Variants in RELL1 observed in about 807,000 individuals in gnomAD.
The protein encoded by RELL1 is RELT-like protein 1.
Under a neutral mutation model 23.0 loss-of-function variants are expected in RELL1, and 10 were observed. The observed-to-expected ratio is 0.43, with a 90% CI of 0.27 to 0.74. RELL1 has a LOEUF of 0.74. Ranked by LOEUF, RELL1 falls within the 30% of genes least tolerant of loss-of-function variation. The pLI is 0.19. For missense variants in RELL1, 315 were observed against 364.4 expected (o/e 0.86, Z 1.10); for synonymous variants, 146 against 146.8 (o/e 0.99, Z 0.04).
intron 6 of RELL1, among the ~76,000 whole-genome samples, chr4:37,604,770 C>CAT (rs1719108007): frequency 6.9e-6 from 1 of 143,990 alleles, no homozygotes; most frequent in Admixed American, 7.0e-5. Context: ...ACCACACACA[C>CAT]ACACAGACAC....
intron 3 of RELL1, among the ~76,000 whole-genome samples, chr4:37,640,733 G>A (rs3849013): frequency 0.99 from 151,467 of 152,336 alleles, 75,304 homozygotes; most frequent in Middle Eastern, 1. Flanking sequence ...ATGTCCAGAA[G>A]GATGCAACCA....
chr4:37,681,080 A>G (rs1722204284), intron 1 of RELL1, among the ~76,000 whole-genome samples: 1 of 152,188 alleles, frequency 6.6e-6, no homozygotes, highest in South Asian at 2.1e-4. Context: ...TTCCAAAAAT[A>G]CCTAGTGCAC....
intron 6 of RELL1, among the ~76,000 whole-genome samples, chr4:37,599,003 G>A (rs1465077089): frequency 6.6e-6 from 1 of 152,062 alleles, no homozygotes; most frequent in African/African-American, 2.4e-5. Flanking sequence ...TGCTTTTAAA[G>A]GTGACATAAT....
At chr4:37,650,595 C>T (rs949509558) in intron 1 of RELL1, among the ~76,000 whole-genome samples, 1 of 151,980 alleles carries the variant, frequency 6.6e-6, no homozygotes, top group Non-Finnish European at 1.5e-5. Context: ...TTTATGACTT[C>T]AAGAATAGGG....
At chr4:37,628,943 C>T (rs1319910470) in intron 6 of RELL1, among the ~76,000 whole-genome samples, 1 of 151,570 alleles carries the variant, frequency 6.6e-6, no homozygotes, top group Non-Finnish European at 1.5e-5. Flanking sequence ...TAATCAGAAT[C>T]AGACAGATTC....
chr4:37,624,582 C>G (rs986717498), intron 6 of RELL1, among the ~76,000 whole-genome samples: 1 of 151,778 alleles, frequency 6.6e-6, no homozygotes, highest in Non-Finnish European at 1.5e-5. Flanking sequence ...CGCCACCACG[C>G]CCGGCTAATT....
At chr4:37,676,908 A>G (rs1247195842) in intron 1 of RELL1, among the ~76,000 whole-genome samples, 1 of 152,134 alleles carries the variant, frequency 6.6e-6, no homozygotes, top group African/African-American at 2.4e-5. Context: ...TGAGCCTACA[A>G]TGGCGAACAA....
intron 6 of RELL1, among the ~76,000 whole-genome samples, chr4:37,626,175 C>T (rs1210289974): frequency 6.6e-6 from 1 of 152,104 alleles, no homozygotes; most frequent in East Asian, 1.9e-4. Context: ...GTACGCAGGT[C>T]ACTAACAAAA....
intron 1 of RELL1, among the ~76,000 whole-genome samples, chr4:37,670,844 T>C (rs1721810367): frequency 6.6e-6 from 1 of 152,198 alleles, no homozygotes. Context: ...AGTGCTGGGA[T>C]AATAGGCATG....
intron 6 of RELL1, among the ~76,000 whole-genome samples, chr4:37,594,271 C>T (rs1054406543): frequency 6.6e-6 from 1 of 152,188 alleles, no homozygotes; most frequent in Non-Finnish European, 1.5e-5. Flanking sequence ...TGTCTGAGCA[C>T]GCTTATGTGT....
At chr4:37,596,196 G>GAAA (rs1718840443) in intron 6 of RELL1, among the ~76,000 whole-genome samples, 1 of 152,142 alleles carries the variant, frequency 6.6e-6, no homozygotes, top group Non-Finnish European at 1.5e-5. Flanking sequence ...GTTCCTTAAC[G>GAAA]TTTCTGAGCC....
intron 1 of RELL1, among the ~76,000 whole-genome samples, chr4:37,653,703 A>T (rs1721029514): frequency 6.6e-6 from 1 of 152,166 alleles, no homozygotes. Flanking sequence ...CCTGACCCAC[A>T]GAATGTGTTG....
chr4:37,684,071 G>A (rs1435488681), intron 1 of RELL1, among the ~76,000 whole-genome samples: 1 of 152,090 alleles, frequency 6.6e-6, no homozygotes, highest in African/African-American at 2.4e-5. Context: ...GCAAGACTCC[G>A]TCTCAAAAAG....
intron 6 of RELL1, among the ~76,000 whole-genome samples, chr4:37,614,070 T>C (rs1162602570): frequency 6.6e-6 from 1 of 152,144 alleles, no homozygotes; most frequent in East Asian, 1.9e-4. Context: ...GCCAAAATCA[T>C]GTGTACCCTA....
At position 37,682,918 on chromosome 4, in the gene RELL1, T is replaced by C. The variant is rs562205729; in HGVS notation, c.88+3282A>G. Among the ~76,000 whole-genome samples, 13 of 152,326 alleles carry C rather than the reference T, an allele frequency of 8.5e-5. No homozygotes were observed. In the East Asian group the frequency reaches 2.5e-3, roughly 29 times the overall value. On this transcript the variant is annotated intron_variant, in intron 1 of 6. Transcript: ENST00000454158. ...GCCCACTGTCTGAGAGAGAAACTAA[T>C]AAACCTGAAGGTTGAGTAACCAGAG...
chr4:37,614,836 A>C (rs1182854266), intron 6 of RELL1, among the ~76,000 whole-genome samples: 1 of 152,134 alleles, frequency 6.6e-6, no homozygotes, highest in Non-Finnish European at 1.5e-5. Context: ...ACAACGTCAA[A>C]GGTGGGGGAT....
intron 1 of RELL1, among the ~76,000 whole-genome samples, chr4:37,682,466 C>T (rs1468812849): frequency 6.6e-6 from 1 of 152,088 alleles, no homozygotes; most frequent in South Asian, 2.1e-4. Context: ...ACATTAGGGC[C>T]AAAGAATCAT....
At chr4:37,635,620 G>A (rs1426739158) in intron 4 of RELL1, among the ~76,000 whole-genome samples, 2 of 152,024 alleles carry the variant, frequency 1.3e-5, no homozygotes, top group Admixed American at 1.3e-4. Flanking sequence ...AGTGAGACCT[G>A]TCTCTAGAAG....
At chr4:37,647,596 C>T (rs1243817740) in intron 2 of RELL1, among the ~76,000 whole-genome samples, 157 bp from the exon 3 acceptor site, 1 of 152,222 alleles carries the variant, frequency 6.6e-6, no homozygotes, top group Non-Finnish European at 1.5e-5. Flanking sequence ...CAGCCCCAAA[C>T]TTCCTAATGC....
Sources: allele counts gnomAD v4.1 joint callset (sites outside exome capture counted in the v4.1 genomes callset), GRCh38; gene constraint gnomAD v4.1.1; transcripts MANE v1.5; gene names NCBI Gene and HGNC (gene_info 2026-07-23, HGNC 2026-07-21).